Variants in SPECC1L observed in about 807,000 individuals in gnomAD.
SPECC1L encodes the protein cytospin-A.
A neutral mutation model predicts 116.8 loss-of-function variants in SPECC1L; 40 were observed. The ratio of observed to expected loss-of-function variants is 0.34; its 90% CI spans 0.27 to 0.45. SPECC1L has a LOEUF of 0.45. SPECC1L is among the 20% of genes least tolerant of loss of function. The pLI, the probability that SPECC1L is intolerant of heterozygous loss-of-function variation, is 1.00. For synonymous variants in SPECC1L, 504 were observed against 500.6 expected, an observed-to-expected ratio of 1.01 and a Z score of -0.09; for missense variants, 1,110 against 1,373.6, an observed-to-expected ratio of 0.81 and a Z score of 3.03.
At chr22:24,359,052 C>T (rs898748391) in intron 11 of SPECC1L, among the ~76,000 whole-genome samples, 1 of 152,152 alleles carries the variant, frequency 6.6e-6, no homozygotes, top group African/African-American at 2.4e-5. Context: ...ACCCTCTTTA[C>T]CGGCGAGCTC....
At chr22:24,359,637 T>C (rs1266259174) in intron 11 of SPECC1L, among the ~76,000 whole-genome samples, 1 of 152,118 alleles carries the variant, frequency 6.6e-6, no homozygotes, top group Non-Finnish European at 1.5e-5. Flanking sequence ...TGACTCTCGC[T>C]TGCCTGAGCT....
intron 4 of SPECC1L, among the ~76,000 whole-genome samples, chr22:24,318,907 G>A (rs1173568962): frequency 1.3e-5 from 2 of 149,926 alleles, no homozygotes; most frequent in Non-Finnish European, 3.0e-5. Flanking sequence ...TAGCCTGGGT[G>A]ACAGAGCCTC....
intron 2 of SPECC1L, among the ~76,000 whole-genome samples, chr22:24,301,593 A>G (rs1276145040): frequency 1.3e-5 from 2 of 152,210 alleles, no homozygotes; most frequent in Non-Finnish European, 2.9e-5. Context: ...TATTGAGTAC[A>G]GTACTGACAG....
intron 14 of SPECC1L, among the ~76,000 whole-genome samples, chr22:24,409,839 A>T (rs957795722): frequency 8.5e-5 from 13 of 152,172 alleles, no homozygotes; most frequent in Non-Finnish European, 1.5e-4. Context: ...AGCCTGGGCG[A>T]CATAGCGAAA....
At chr22:24,412,190 G>A (rs1033589548) in intron 15 of SPECC1L, 2 of 351,122 alleles carry the variant, frequency 5.7e-6, no homozygotes, top group African/African-American at 4.2e-5. Flanking sequence ...TGGGGACAGG[G>A]TCAGGGAAGA....
chr22:24,316,301 G>T (rs201045319), intron 4 of SPECC1L, among the ~76,000 whole-genome samples: 4 of 102,344 alleles, frequency 3.9e-5, no homozygotes, highest in African/African-American at 1.5e-4. Context: ...TTTATTTATT[G>T]ATCATTCTTG....
At chr22:24,344,079 G>A (rs2041238452) in intron 10 of SPECC1L, among the ~76,000 whole-genome samples, 1 of 152,138 alleles carries the variant, frequency 6.6e-6, no homozygotes, top group Non-Finnish European at 1.5e-5. Flanking sequence ...TCAGAAAACA[G>A]AAGAGTAAAA....
chr22:24,289,371 G>C (rs2049113372), intron 2 of SPECC1L, among the ~76,000 whole-genome samples: 1 of 152,204 alleles, frequency 6.6e-6, no homozygotes, highest in African/African-American at 2.4e-5. Context: ...GTTAAGTGTT[G>C]TCAGTAGTTT....
Position 24,321,965 on chromosome 22 carries a change from G to A in SPECC1L, c.985G>A (p.Asp329Asn). 1 of 1,614,164 alleles carries A rather than the reference G, an allele frequency of 6.2e-7. No homozygotes were observed. Among genetic ancestry groups the A allele is most frequent in the Non-Finnish European group, 8.5e-7 (1 of 1,180,016 alleles). The change falls in exon 5 of 17, where the codon GAT becomes AAT. Residue 329 changes from aspartate to asparagine, a missense_variant. Physicochemically the swap from Asp to Asn is conservative, Grantham distance 23. Around this residue, in one of 4 missense-constraint regions of SPECC1L, gnomAD observed 437 missense variants for 482.6 expected, o/e 0.91. Coordinates refer to ENST00000314328, the MANE Select transcript of SPECC1L (RefSeq NM_015330.6). ...CTCAGTGGAGGATCTCTTGAGTCAG[G>A]ATGAAAATACACTAATGGACCATCA... is the stretch of plus-strand genomic sequence containing the variant. ...PGSVEDLLSQ[D>N]ENTLMDHQHS...
intron 2 of SPECC1L, among the ~76,000 whole-genome samples, chr22:24,297,319 T>G (rs1293019830): frequency 1.3e-5 from 2 of 151,792 alleles, no homozygotes; most frequent in African/African-American, 2.4e-5. Context: ...ACATAAAGGG[T>G]TTTTTTAAAT....
At chr22:24,375,049 G>C (rs1268283542) in intron 14 of SPECC1L, among the ~76,000 whole-genome samples, 1 of 152,044 alleles carries the variant, frequency 6.6e-6, no homozygotes, top group African/African-American at 2.4e-5. Flanking sequence ...GGAATACTGT[G>C]AACAATGAAT....
At chr22:24,381,785 A>G (rs1046778709) in intron 14 of SPECC1L, among the ~76,000 whole-genome samples, 5 of 152,082 alleles carry the variant, frequency 3.3e-5, no homozygotes, top group Admixed American at 6.5e-5. Context: ...TCGGGAGGCT[A>G]AGGCAGGAGA....
intron 4 of SPECC1L, among the ~76,000 whole-genome samples, chr22:24,314,407 G>A (rs1380827428): frequency 6.6e-6 from 1 of 152,152 alleles, no homozygotes; most frequent in Non-Finnish European, 1.5e-5. Flanking sequence ...TGAAATAACT[G>A]ATAATCATTC....
Position 24,321,338 on chromosome 22 carries a change from A to G in SPECC1L, c.358A>G (p.Ser120Gly), listed in dbSNP as rs2040718919. 2 of 1,614,142 alleles carry G rather than the reference A, an allele frequency of 1.2e-6. No homozygotes were observed. Among genetic ancestry groups the G allele is most frequent in the Non-Finnish European group, 1.7e-6 (2 of 1,180,048 alleles). The change falls in exon 5 of 17, where the codon AGT (serine) becomes GGT (glycine). Residue 120 changes from serine (S) to glycine (G), a missense_variant. Physicochemically the swap from Ser to Gly is moderately conservative, Grantham distance 56 (BLOSUM62 0). Around this residue, in one of 4 missense-constraint regions of SPECC1L, gnomAD observed 437 missense variants for 482.6 expected, o/e 0.91. Coordinates refer to ENST00000314328, the MANE Select transcript of SPECC1L (RefSeq NM_015330.6). ...RSTSTGNKES[S>G]STRERLRERT... ...CACTTCTACAGGTAATAAAGAATCCAGTTCTACTAGAGAAAGATTACGTGA... is the reference window on the plus strand; with the variant it reads ...CACTTCTACAGGTAATAAAGAATCCGGTTCTACTAGAGAAAGATTACGTGA...
At chr22:24,406,950 C>T (rs1320422384) in intron 14 of SPECC1L, among the ~76,000 whole-genome samples, 2 of 152,224 alleles carry the variant, frequency 1.3e-5, no homozygotes, top group African/African-American at 4.8e-5. Context: ...CGGGCTTCTT[C>T]CTCACTTCCC....
At chr22:24,399,018 A>G (rs987480773) in intron 14 of SPECC1L, among the ~76,000 whole-genome samples, 116 of 152,238 alleles carry the variant, frequency 7.6e-4, no homozygotes, top group African/African-American at 2.7e-3. Flanking sequence ...TAAGCTGCTA[A>G]TAAAACTGCT....
intron 2 of SPECC1L, among the ~76,000 whole-genome samples, chr22:24,292,734 A>G (rs188431829): frequency 0.013 from 1,910 of 152,270 alleles, 26 homozygotes; most frequent in Non-Finnish European, 0.019. Flanking sequence ...TGACATTACA[A>G]GAGTCAGAAG....
chr22:24,375,250 A>C (rs1166559715), intron 14 of SPECC1L, among the ~76,000 whole-genome samples: 1 of 152,212 alleles, frequency 6.6e-6, no homozygotes, highest in Admixed American at 6.5e-5. Flanking sequence ...CCAAATTTTA[A>C]AAGAGGAATT....
chr22:24,342,602 G>A (rs1009035255), intron 10 of SPECC1L, among the ~76,000 whole-genome samples: 2 of 151,454 alleles, frequency 1.3e-5, no homozygotes, highest in Non-Finnish European at 2.9e-5. Context: ...GAACCCAGGA[G>A]GGGGAGGTTG....
Sources: gnomAD v4.1 joint callset for allele counts (sites outside exome capture counted in the v4.1 genomes callset) on GRCh38, gnomAD v4.1.1 for gene constraint, gnomAD v4.1.1 regional missense constraint, MANE v1.5 for transcripts, NCBI Gene and HGNC (gene_info 2026-07-23, HGNC 2026-07-21) for gene names.